DMD: variants seen among roughly 807,000 people sequenced by gnomAD.
The protein encoded by DMD is mutant dystrophin.
A neutral mutation model predicts 330.1 loss-of-function variants in DMD; 63 were observed. The ratio of observed to expected loss-of-function variants is 0.19; its 90% CI spans 0.16 to 0.24. The LOEUF (loss-of-function observed/expected upper bound fraction) is 0.24. Among genes scored for constraint, DMD ranks in the 10% least tolerant of loss-of-function variants. The pLI is 1.00. For synonymous variants in DMD, 1,223 were observed against 959.8 expected (o/e 1.27, Z -5.07); for missense variants, 3,344 against 2,684.1 (o/e 1.25, Z -5.43).
At chrX:32,660,607 T>A (rs1484479283) in intron 9 of DMD, among the ~76,000 whole-genome samples, 1 of 111,535 alleles carries the variant, frequency 9.0e-6, no homozygotes, top group Non-Finnish European at 1.9e-5. Context: ...AGCATGAATG[T>A]CTTATAAAAT....
intron 21 of DMD, among the ~76,000 whole-genome samples, chrX:32,483,692 C>G (rs1457929069): frequency 9.4e-6 from 1 of 106,708 alleles, no homozygotes; most frequent in Non-Finnish European, 1.9e-5. Flanking sequence ...AAAATATTTT[C>G]CCAAATTGAT....
intron 7 of DMD, among the ~76,000 whole-genome samples, chrX:32,766,924 A>G (rs2148428698): frequency 9.0e-6 from 1 of 111,414 alleles, no homozygotes; most frequent in Admixed American, 9.6e-5. Flanking sequence ...GAGGCATATA[A>G]AATTTGCATT....
At chrX:31,899,102 G>T (rs1163500063) in intron 47 of DMD, among the ~76,000 whole-genome samples, 2 of 111,903 alleles carry the variant, frequency 1.8e-5, no homozygotes, top group Non-Finnish European at 3.8e-5. Context: ...AGAAAAGTAT[G>T]TGGAATACAT....
intron 45 of DMD, among the ~76,000 whole-genome samples, chrX:31,966,779 G>T (rs1180634777): frequency 9.0e-6 from 1 of 110,796 alleles, no homozygotes; most frequent in Non-Finnish European, 1.9e-5. Context: ...TGCCTTTAGA[G>T]CCCAATAACA....
chrX:32,888,143 T>TA (rs1167752621), intron 2 of DMD, among the ~76,000 whole-genome samples: 22 of 111,064 alleles, frequency 2.0e-4, no homozygotes, highest in African/African-American at 6.2e-4. Flanking sequence ...ACTGAATTTT[T>TA]ATTTTTTATT....
At chrX:31,356,577 C>T (rs184932976) in intron 60 of DMD, among the ~76,000 whole-genome samples, 118 of 97,761 alleles carry the variant, frequency 1.2e-3, no homozygotes, top group Non-Finnish European at 2.2e-3. Flanking sequence ...ATGAACTCTG[C>T]CATCAAACTG....
chrX:31,188,493 CCT>C (rs2042027715), intron 67 of DMD, among the ~76,000 whole-genome samples: 1 of 111,795 alleles, frequency 8.9e-6, no homozygotes, highest in Non-Finnish European at 1.9e-5. Context: ...GATATAATCC[CCT>C]CTCAGTATCA....
chrX:32,718,056 G>T (rs747490222), intron 7 of DMD, among the ~76,000 whole-genome samples: 111 of 111,313 alleles, frequency 1.0e-3, no homozygotes, highest in Non-Finnish European at 9.8e-4. Context: ...ACTTTGGACT[G>T]TGGACTTTTG....
chrX:32,484,453 T>C (rs1396319196), intron 21 of DMD, among the ~76,000 whole-genome samples: 1 of 112,347 alleles, frequency 8.9e-6, no homozygotes, highest in Non-Finnish European at 1.9e-5. Context: ...TAGTAAAATG[T>C]AGCCCAAAGA....
At chrX:31,569,566 T>C (rs1317938061) in intron 55 of DMD, among the ~76,000 whole-genome samples, 1 of 91,296 alleles carries the variant, frequency 1.1e-5, no homozygotes, top group Non-Finnish European at 2.2e-5. Context: ...TTTTTATATA[T>C]ATATGTGTAT....
At chrX:32,847,467 G>A (rs182198127) in intron 3 of DMD, among the ~76,000 whole-genome samples, 1 of 112,183 alleles carries the variant, frequency 8.9e-6, no homozygotes, top group East Asian at 2.8e-4. Flanking sequence ...TAAAATTTCT[G>A]TTCTATAGTA....
intron 54 of DMD, among the ~76,000 whole-genome samples, chrX:31,643,273 T>C (rs2079881973): frequency 1.8e-5 from 2 of 112,252 alleles, no homozygotes; most frequent in Non-Finnish European, 3.8e-5. Context: ...CAGGACTAAG[T>C]TTAACAATTA....
intron 16 of DMD, among the ~76,000 whole-genome samples, chrX:32,564,992 T>C (rs1411922472): frequency 2.7e-5 from 3 of 111,770 alleles, no homozygotes; most frequent in Non-Finnish European, 5.6e-5. Context: ...GTTTATATCT[T>C]GAATGACTAC....
chrX:31,833,273 GGAGAGAGA>G (rs1248049970), intron 49 of DMD, among the ~76,000 whole-genome samples: 3 of 49,857 alleles, frequency 6.0e-5, no homozygotes, highest in African/African-American at 1.3e-4. Flanking sequence ...GGAGGAAGGG[GGAGAGAGA>G]GAGAGAGAGA....
In DMD at chrX:32,923,426, T is replaced by C. The variant is rs1293729417; in HGVS notation, c.94-73606A>G. Reference sequence around the variant, plus strand: ...AAATACAAAAATTAGATGGGTGTGGTGGCACACCCCTGTAATCCCAGCTAC... The same window carrying C: ...AAATACAAAAATTAGATGGGTGTGGCGGCACACCCCTGTAATCCCAGCTAC... On this transcript the variant is annotated intron_variant, in intron 2 of 78. Transcript: ENST00000357033. 5.5e-5 allele frequency among the ~76,000 whole-genome samples: 6 copies of C among 109,835 alleles called. No homozygotes were observed. In the Admixed American group the frequency reaches 5.9e-4, roughly 11 times the overall value.
At chrX:31,692,254 G>A (rs1186110061) in intron 52 of DMD, among the ~76,000 whole-genome samples, 1 of 110,931 alleles carries the variant, frequency 9.0e-6, no homozygotes, top group Non-Finnish European at 1.9e-5. Flanking sequence ...AAACTTCTGG[G>A]GGTAGCAAAA....
chrX:31,522,363 C>A (rs74769454), intron 55 of DMD, among the ~76,000 whole-genome samples: 9,203 of 35,885 alleles, frequency 0.26, 1,580 homozygotes, highest in Non-Finnish European at 0.28. Flanking sequence ...CTCTCTCTCT[C>A]TATATATATA....
At chrX:32,122,600 T>G (rs973814085) in intron 44 of DMD, among the ~76,000 whole-genome samples, 6 of 111,383 alleles carry the variant, frequency 5.4e-5, no homozygotes, top group African/African-American at 2.0e-4. Context: ...CATCTCTCTG[T>G]GCCCCCTGCC....
chrX:33,015,996 A>G (rs2093794771), intron 2 of DMD, among the ~76,000 whole-genome samples: 1 of 111,046 alleles, frequency 9.0e-6, no homozygotes, highest in African/African-American at 3.3e-5. Flanking sequence ...CCCTTAAACA[A>G]AGGCTGGACG....
Sources: allele counts gnomAD v4.1 joint callset (sites outside exome capture counted in the v4.1 genomes callset), GRCh38; gene constraint gnomAD v4.1.1; transcripts MANE v1.5; gene names NCBI Gene and HGNC (gene_info 2026-07-23, HGNC 2026-07-21).